Variants in ATP6V1H observed in about 807,000 individuals in gnomAD.
The protein encoded by ATP6V1H is V-type proton ATPase subunit H.
ATP6V1H carries 39 observed loss-of-function variants against 71.7 expected under a neutral mutation model. The observed-to-expected ratio is 0.54, with a 90% CI of 0.42 to 0.71. The LOEUF (loss-of-function observed/expected upper bound fraction) is 0.71. Among genes scored for constraint, ATP6V1H ranks in the 30% least tolerant of loss-of-function variants. The pLI, the probability that ATP6V1H is intolerant of heterozygous loss-of-function variation, is 0.00. For synonymous variants in ATP6V1H, 192 were observed against 199.3 expected, an observed-to-expected ratio of 0.96 and a Z score of 0.31; for missense variants, 509 against 594.9, an observed-to-expected ratio of 0.86 and a Z score of 1.50.
At position 53,763,823 on chromosome 8, in the gene ATP6V1H, T is replaced by C. The variant is rs776466613; in HGVS notation, c.1175+5795A>G. Among the ~76,000 whole-genome samples, 7 of 152,202 alleles carry C rather than the reference T, an allele frequency of 4.6e-5. No homozygotes were observed. In the South Asian group the frequency reaches 6.2e-4, roughly 14 times the overall value. ...GAGATGGGTGACAGAGAATCAAAGC[T>C]TATTGGCAGCAGAAACTGCTGTTGG... On this transcript the variant is annotated intron_variant, in intron 11 of 13. Transcript: ENST00000359530.
chr8:53,796,524 A>G (rs1482259573), intron 8 of ATP6V1H, among the ~76,000 whole-genome samples: 1 of 150,898 alleles, frequency 6.6e-6, no homozygotes, highest in African/African-American at 2.5e-5. Flanking sequence ...AAAAAAAAAA[A>G]CAGAAATCAT....
At chr8:53,731,831 C>CT (rs1807035820) in intron 13 of ATP6V1H, among the ~76,000 whole-genome samples, 1 of 152,272 alleles carries the variant, frequency 6.6e-6, no homozygotes, top group African/African-American at 2.4e-5. Flanking sequence ...TGGAGCATCC[C>CT]TGGGGGGGAC....
At chr8:53,732,527 T>A (rs1413130585) in intron 13 of ATP6V1H, among the ~76,000 whole-genome samples, 1 of 151,960 alleles carries the variant, frequency 6.6e-6, no homozygotes, top group African/African-American at 2.4e-5. Flanking sequence ...AGGGAACAAT[T>A]GGCCATGTAT....
At chr8:53,789,676 G>A (rs964439279) in intron 9 of ATP6V1H, among the ~76,000 whole-genome samples, 34 of 152,062 alleles carry the variant, frequency 2.2e-4, no homozygotes, top group African/African-American at 6.7e-4. Flanking sequence ...TTTCCCATAC[G>A]TCTATTTCAC....
At chr8:53,836,298 T>C (rs1811158834) in intron 2 of ATP6V1H, among the ~76,000 whole-genome samples, 1 of 152,224 alleles carries the variant, frequency 6.6e-6, no homozygotes, top group South Asian at 2.1e-4. Context: ...GTGGTGGTTT[T>C]TCTACCATGA....
chr8:53,814,821 A>G, intron 5 of ATP6V1H, 55 bp from the exon 6 acceptor site: 2 of 1,205,776 alleles, frequency 1.7e-6, no homozygotes, highest in South Asian at 2.8e-5. Flanking sequence ...AAATCACATC[A>G]TATACCTTAA....
At chr8:53,728,098 C>T (rs2130113602) in intron 13 of ATP6V1H, among the ~76,000 whole-genome samples, 1 of 152,348 alleles carries the variant, frequency 6.6e-6, no homozygotes, top group Admixed American at 6.5e-5. Context: ...TGCCACGCAG[C>T]AGGCAGGGTG....
chr8:53,794,214 T>C lies in ATP6V1H; in HGVS notation c.870+1433A>G, dbSNP rs148260757. On this transcript the variant is annotated intron_variant, in intron 9 of 13. Coordinates refer to ENST00000359530, the MANE Select transcript of ATP6V1H (RefSeq NM_015941.4). ...AATAAAGTTATAGACCAGTATAATA[T>C]GTCATTTTTATTTTTAAATACAAAA... Among the ~76,000 whole-genome samples, 578 of 152,350 alleles carry C rather than the reference T, an allele frequency of 3.8e-3. 7 individuals carry two copies. The highest frequency in any genetic ancestry group is 0.012 in the South Asian group (59 of 4,826).
At chr8:53,742,462 CATT>C (rs1807447825) in intron 13 of ATP6V1H, among the ~76,000 whole-genome samples, 1 of 152,154 alleles carries the variant, frequency 6.6e-6, no homozygotes, top group Non-Finnish European at 1.5e-5. Context: ...GGTTACTTAT[CATT>C]ATTGTCAACT....
chr8:53,736,104 C>A (rs1807193419), intron 13 of ATP6V1H, among the ~76,000 whole-genome samples: 1 of 152,200 alleles, frequency 6.6e-6, no homozygotes, highest in Non-Finnish European at 1.5e-5. Context: ...TTCTTGTATA[C>A]TGTTTTACTA....
At chr8:53,751,904 G>A (rs530029080) in intron 12 of ATP6V1H, among the ~76,000 whole-genome samples, 3 of 152,022 alleles carry the variant, frequency 2.0e-5, no homozygotes, top group Non-Finnish European at 2.9e-5. Flanking sequence ...TCCTGACCTC[G>A]TGATCTGCCC....
chr8:53,738,950 C>A (rs376638760), intron 13 of ATP6V1H, among the ~76,000 whole-genome samples: 2 of 151,896 alleles, frequency 1.3e-5, no homozygotes, highest in Non-Finnish European at 2.9e-5. Context: ...TTTAAAAATC[C>A]AGTTATATTT....
At chr8:53,724,777 A>G (rs1230049342) in intron 13 of ATP6V1H, among the ~76,000 whole-genome samples, 1 of 151,934 alleles carries the variant, frequency 6.6e-6, no homozygotes, top group African/African-American at 2.4e-5. Flanking sequence ...TTTCTGTTAC[A>G]TCATTAGATG....
chr8:53,840,795 C>G (rs763413522), intron 2 of ATP6V1H, among the ~76,000 whole-genome samples: 1 of 152,150 alleles, frequency 6.6e-6, no homozygotes, highest in Admixed American at 6.5e-5. Context: ...TTTCAAAATG[C>G]ATATGCAAAT....
intron 7 of ATP6V1H, among the ~76,000 whole-genome samples, chr8:53,810,732 T>C (rs1294072142): frequency 6.6e-6 from 1 of 152,190 alleles, no homozygotes; most frequent in Non-Finnish European, 1.5e-5. Flanking sequence ...AGAGCTAGAC[T>C]GTGTCTCAAA....
intron 5 of ATP6V1H, among the ~76,000 whole-genome samples, chr8:53,816,751 G>C (rs1242035765): frequency 6.6e-6 from 1 of 151,858 alleles, no homozygotes; most frequent in Non-Finnish European, 1.5e-5. Flanking sequence ...AGCCGAGATC[G>C]CACAACTGCA....
intron 9 of ATP6V1H, among the ~76,000 whole-genome samples, chr8:53,779,713 T>C (rs949339788): frequency 6.6e-6 from 1 of 152,072 alleles, no homozygotes; most frequent in Admixed American, 6.6e-5. Context: ...TTCACTTATT[T>C]CTCTACTAAA....
intron 3 of ATP6V1H, among the ~76,000 whole-genome samples, 181 bp from the exon 4 acceptor site, chr8:53,829,714 G>A (rs1810944459): frequency 6.6e-6 from 1 of 152,162 alleles, no homozygotes; most frequent in East Asian, 1.9e-4. Flanking sequence ...ACCTTACTAT[G>A]GCTTGTATCA....
At chr8:53,780,224 T>C (rs1455742270) in intron 9 of ATP6V1H, among the ~76,000 whole-genome samples, 2 of 151,250 alleles carry the variant, frequency 1.3e-5, no homozygotes, top group East Asian at 3.9e-4. Flanking sequence ...ACACATTCAA[T>C]AACTAATGTA....
Sources: allele counts gnomAD v4.1 joint callset (sites outside exome capture counted in the v4.1 genomes callset), GRCh38; gene constraint gnomAD v4.1.1; transcripts MANE v1.5; gene names NCBI Gene and HGNC (gene_info 2026-07-23, HGNC 2026-07-21).